The following EVI5 variants were observed in gnomAD, a reference collection of about 807,000 sequenced individuals.
The protein encoded by EVI5 is ecotropic viral integration site 5, also known as ecotropic viral integration site 5 protein homolog.
A neutral mutation model predicts 112.0 loss-of-function variants in EVI5; 73 were observed. That is an observed-to-expected ratio of 0.65 (90% CI 0.54 to 0.79). The LOEUF (loss-of-function observed/expected upper bound fraction) is 0.79. Among genes scored for constraint, EVI5 ranks in the 30% least tolerant of loss-of-function variants. EVI5 has a pLI of 0.00. For missense variants in EVI5, 900 were observed against 968.8 expected, an observed-to-expected ratio of 0.93 and a Z score of 0.94; for synonymous variants, 305 against 319.9, an observed-to-expected ratio of 0.95 and a Z score of 0.50.
chr1:92,535,476 C>A (rs1331668443), intron 19 of EVI5, among the ~76,000 whole-genome samples: 1 of 152,136 alleles, frequency 6.6e-6, no homozygotes, highest in Non-Finnish European at 1.5e-5. Context: ...TACTGCGGCA[C>A]TGTTCATGAT....
chr1:92,717,292 C>G (rs1056175457), intron 2 of EVI5, among the ~76,000 whole-genome samples: 14 of 152,054 alleles, frequency 9.2e-5, no homozygotes, highest in African/African-American at 2.9e-4. Flanking sequence ...TAAGGGCAGA[C>G]AGAAAGGTCG....
At chr1:92,532,260 T>C (rs2101860682) in intron 19 of EVI5, among the ~76,000 whole-genome samples, 1 of 152,276 alleles carries the variant, frequency 6.6e-6, no homozygotes, top group South Asian at 2.1e-4. Context: ...ATGCATCCAA[T>C]ACAAGAGCGC....
chr1:92,761,639 A>G (rs1681892125), intron 1 of EVI5, among the ~76,000 whole-genome samples: 1 of 23,108 alleles, frequency 4.3e-5, no homozygotes, highest in South Asian at 3.3e-3. Context: ...CACCAGTTCC[A>G]GTAAGATTTT....
chr1:92,554,841 T>C (rs1045057556), intron 19 of EVI5, among the ~76,000 whole-genome samples: 5 of 151,900 alleles, frequency 3.3e-5, no homozygotes, highest in Non-Finnish European at 7.4e-5. Flanking sequence ...CCAACCCAGG[T>C]GCAGTCTCGC....
intron 2 of EVI5, among the ~76,000 whole-genome samples, chr1:92,725,178 T>C (rs1364163081): frequency 4.6e-5 from 7 of 152,168 alleles, no homozygotes; most frequent in African/African-American, 1.7e-4. Flanking sequence ...AATGCATTCA[T>C]GTAAGGAAAC....
At chr1:92,657,683 C>A (rs540138495) in intron 13 of EVI5, among the ~76,000 whole-genome samples, 85 of 151,538 alleles carry the variant, frequency 5.6e-4, no homozygotes, top group Non-Finnish European at 8.5e-4. Context: ...CAAAAAAAAA[C>A]TAAAAAACCT....
chr1:92,756,321 G>T (rs1011511965), intron 1 of EVI5: 2 of 473,294 alleles, frequency 4.2e-6, no homozygotes, highest in African/African-American at 2.0e-5. Flanking sequence ...CCAACGATTT[G>T]CCTGGAAAAG....
intron 19 of EVI5, among the ~76,000 whole-genome samples, chr1:92,529,840 T>G (rs575884838): frequency 1.3e-5 from 2 of 152,358 alleles, no homozygotes; most frequent in South Asian, 4.1e-4. Context: ...ATGTTTATAG[T>G]ATTTAAAATA....
chr1:92,583,085 C>T (rs1672208144), intron 18 of EVI5, among the ~76,000 whole-genome samples: 1 of 152,036 alleles, frequency 6.6e-6, no homozygotes, highest in East Asian at 1.9e-4. Flanking sequence ...TTATAATTTG[C>T]TTTTTTCACC....
intron 16 of EVI5, among the ~76,000 whole-genome samples, chr1:92,618,335 A>C (rs1456392792): frequency 7.9e-5 from 12 of 152,142 alleles, no homozygotes. Context: ...TACCACCAGA[A>C]GACACAACAA....
intron 19 of EVI5, among the ~76,000 whole-genome samples, chr1:92,515,009 C>T (rs1015801832): frequency 5.9e-5 from 9 of 152,146 alleles, no homozygotes; most frequent in East Asian, 1.9e-4. Context: ...AGTGCCAGTC[C>T]GGTATAACAT....
In EVI5 at chr1:92,625,930, T is replaced by C. The variant is rs987663188; in HGVS notation, c.1532A>G (p.Asn511Ser). Residue 511 changes from asparagine to serine, a missense_variant, in exon 15 of 20, where the codon AAT (asparagine) becomes AGT (serine). Asn to Ser is a conservative substitution (Grantham distance 46). Coordinates refer to ENST00000684568, the MANE Select transcript of EVI5 (RefSeq NM_001350197.2). ...ATTATTCTCATCAGGAAGGGAGTTA[T>C]TCCTCTAAAGAAGAAGAAAATTTAA... is the stretch of plus-strand genomic sequence containing the variant. Reference protein sequence around the residue: ...QDKVLDIEKRNNSLPDENNIA... With the variant: ...QDKVLDIEKRSNSLPDENNIA... 1.3e-6 allele frequency: 2 copies of C among 1,596,470 alleles called. No individual in the cohort carries two copies. Among genetic ancestry groups the C allele is most frequent in the Non-Finnish European group, 8.6e-7 (1 of 1,166,994 alleles).
intron 19 of EVI5, among the ~76,000 whole-genome samples, chr1:92,532,273 A>C (rs1180044584): frequency 6.6e-6 from 1 of 152,218 alleles, no homozygotes; most frequent in Non-Finnish European, 1.5e-5. Context: ...AAGAGCGCCC[A>C]GATTCATAAA....
chr1:92,687,954 C>A (rs1213213319), intron 9 of EVI5, among the ~76,000 whole-genome samples: 5 of 152,126 alleles, frequency 3.3e-5, no homozygotes. Context: ...ATTAGTTCAA[C>A]CATTGTGGAA....
intron 15 of EVI5, among the ~76,000 whole-genome samples, chr1:92,624,614 G>A (rs1051663801): frequency 3.3e-5 from 5 of 149,640 alleles, no homozygotes; most frequent in Admixed American, 6.7e-5. Flanking sequence ...AGGCCAAGGC[G>A]GGCAGATCAC....
intron 1 of EVI5, among the ~76,000 whole-genome samples, chr1:92,737,265 G>C (rs766522543): frequency 1.1e-4 from 17 of 152,126 alleles, no homozygotes; most frequent in Admixed American, 2.0e-4. Context: ...AGGGGTTCAA[G>C]GTAGAATTTC....
Position 92,588,381 on chromosome 1 carries a change from T to C in EVI5, c.2070+16926A>G, listed in dbSNP as rs889174617. Among the ~76,000 whole-genome samples, 9 of 152,352 alleles carry C rather than the reference T, an allele frequency of 5.9e-5. 1 individual carries two copies. Among genetic ancestry groups the C allele is most frequent in the Admixed American group, 3.9e-4 (6 of 15,298 alleles). ...CACCCAGACTCTACTTCAGACTTGC[T>C]CCTTATGTCAGGCCCTTTGCCTGTA... On this transcript the variant is annotated intron_variant, in intron 18 of 19. Coordinates refer to ENST00000684568, the MANE Select transcript of EVI5 (RefSeq NM_001350197.2).
chr1:92,667,746 G>A (rs1199658260), intron 10 of EVI5, among the ~76,000 whole-genome samples: 1 of 152,154 alleles, frequency 6.6e-6, no homozygotes, highest in East Asian at 1.9e-4. Context: ...CTCCTGAGTA[G>A]CTGGACCTAC....
At chr1:92,647,796 G>A (rs1661250880) in intron 13 of EVI5, among the ~76,000 whole-genome samples, 1 of 151,804 alleles carries the variant, frequency 6.6e-6, no homozygotes, top group Non-Finnish European at 1.5e-5. Context: ...CTGGAGTGCA[G>A]TGGCGCAATC....
Sources: allele counts gnomAD v4.1 joint callset (sites outside exome capture counted in the v4.1 genomes callset), GRCh38; gene constraint gnomAD v4.1.1; transcripts MANE v1.5; gene names NCBI Gene and HGNC (gene_info 2026-07-23, HGNC 2026-07-21).